Variants in KCNMA1 observed in about 807,000 individuals in gnomAD.
KCNMA1 encodes potassium calcium-activated channel subfamily M alpha 1, also known as Calcium-activated potassium channel subunit alpha-1.
Under a neutral mutation model 140.0 loss-of-function variants are expected in KCNMA1, and 29 were observed. The observed-to-expected ratio is 0.21, with a 90% confidence interval of 0.15 to 0.28. The LOEUF is 0.28. KCNMA1 is among the 10% of genes least tolerant of loss of function. The probability of loss-of-function intolerance (pLI) is 1.00; values close to 1 mark genes in which losing one functional copy is unlikely to be tolerated. For synonymous variants in KCNMA1, 612 were observed against 611.9 expected (o/e 1.00, Z 0.00); for missense variants, 880 against 1,602.2 (o/e 0.55, Z 7.70).
intron 2 of KCNMA1, among the ~76,000 whole-genome samples, chr10:77,279,424 C>T (rs2067685130): frequency 6.6e-6 from 1 of 152,054 alleles, no homozygotes; most frequent in Non-Finnish European, 1.5e-5. Flanking sequence ...GCATCCAATC[C>T]CAGCAAGCGG....
intron 1 of KCNMA1, among the ~76,000 whole-genome samples, chr10:77,623,839 C>G (rs1454570511): frequency 2.0e-5 from 3 of 152,196 alleles, no homozygotes; most frequent in Non-Finnish European, 4.4e-5. Context: ...CAATTACCAA[C>G]ACCCCAAAGC....
intron 14 of KCNMA1, among the ~76,000 whole-genome samples, chr10:77,042,175 TA>T (rs368077023): frequency 0.017 from 2,591 of 149,092 alleles, 70 homozygotes; most frequent in African/African-American, 0.06. Flanking sequence ...GTGGGGTCTT[TA>T]AAAAAAAAAG....
chr10:77,562,103 G>A (rs1175617170), intron 1 of KCNMA1, among the ~76,000 whole-genome samples: 1 of 152,200 alleles, frequency 6.6e-6, no homozygotes, highest in African/African-American at 2.4e-5. Flanking sequence ...TACTTAGGGT[G>A]TTTGGTGGTG....
At chr10:77,569,710 A>G (rs1446172449) in intron 1 of KCNMA1, among the ~76,000 whole-genome samples, 4 of 152,194 alleles carry the variant, frequency 2.6e-5, no homozygotes, top group African/African-American at 7.2e-5. Context: ...CAAAAGCAAT[A>G]GCAACAAAAG....
intron 1 of KCNMA1, among the ~76,000 whole-genome samples, chr10:77,439,960 G>T (rs1238250114): frequency 2.0e-5 from 3 of 152,182 alleles, no homozygotes; most frequent in Non-Finnish European, 2.9e-5. Flanking sequence ...TTTCTCCAGT[G>T]TCCCACGCAC....
intron 1 of KCNMA1, among the ~76,000 whole-genome samples, chr10:77,529,205 G>C (rs1156377581): frequency 6.6e-6 from 1 of 151,500 alleles, no homozygotes; most frequent in Non-Finnish European, 1.5e-5. Context: ...TATGCACTAA[G>C]TTCCCCCACT....
intron 9 of KCNMA1, among the ~76,000 whole-genome samples, chr10:77,094,357 A>C (rs1273938935): frequency 6.6e-6 from 1 of 152,114 alleles, no homozygotes; most frequent in African/African-American, 2.4e-5. Context: ...GGTGGAAAGG[A>C]AAGAGGCTTG....
chr10:77,094,829 T>C (rs938329873), intron 9 of KCNMA1, among the ~76,000 whole-genome samples: 1 of 152,038 alleles, frequency 6.6e-6, no homozygotes, highest in African/African-American at 2.4e-5. Context: ...ACTTCCTGGG[T>C]AGCTGGGACT....
Position 77,039,549 on chromosome 10 carries a change from A to T in KCNMA1, c.1838T>A (p.Leu613Gln), listed in dbSNP as rs759824727. 6.2e-7 allele frequency: 1 copy of T among 1,606,688 alleles called. No homozygotes were observed. Among genetic ancestry groups the T allele is most frequent in the Non-Finnish European group, 8.5e-7 (1 of 1,173,150 alleles). The change falls in exon 15 of 28, where the codon CTG (leucine) becomes CAG (glutamine). Residue 613 changes from leucine to glutamine, a missense_variant. By Grantham distance (113) the Leu-to-Gln change is moderately radical. Coordinates refer to ENST00000286628, the MANE Select transcript of KCNMA1 (RefSeq NM_001161352.2). ...TEYLSSAFVG[L>Q]SFPTVCELCF... is the part of the protein sequence containing the mutation. The stretch of plus-strand genomic sequence containing the variant: ...TTACTCACAAACAGTAGGGAAGGAC[A>T]GACCCACGAAGGCACTGGAGAGATA...
At position 77,270,590 on chromosome 10, in the gene KCNMA1, C is replaced by T. The variant is rs567213931; in HGVS notation, c.541-19334G>A. Among the ~76,000 whole-genome samples, 4 of 150,436 alleles carry T rather than the reference C, an allele frequency of 2.7e-5. No homozygotes were observed. In the South Asian group the frequency reaches 8.4e-4, roughly 32 times the overall value. ...AGGCTAGAGTGCGGTAGTGCAATGT[C>T]AGCTCACTGCAACCTCTGCCTCCTG... On this transcript the variant is annotated intron_variant, in intron 2 of 27. Coordinates refer to ENST00000286628, the MANE Select transcript of KCNMA1 (RefSeq NM_001161352.2).
At chr10:77,150,262 A>G (rs1025649931) in intron 5 of KCNMA1, among the ~76,000 whole-genome samples, 13 of 152,148 alleles carry the variant, frequency 8.5e-5, no homozygotes, top group African/African-American at 3.1e-4. Flanking sequence ...CTGATTATCC[A>G]ATTAGAGAAT....
chr10:77,081,157 G>T (rs1459914897), intron 12 of KCNMA1, among the ~76,000 whole-genome samples: 1 of 152,136 alleles, frequency 6.6e-6, no homozygotes, highest in Non-Finnish European at 1.5e-5. Context: ...ATGGAAACAC[G>T]TGGGTTCCAG....
At chr10:77,229,619 T>C (rs1370931151) in intron 3 of KCNMA1, among the ~76,000 whole-genome samples, 3 of 152,190 alleles carry the variant, frequency 2.0e-5, no homozygotes, top group Non-Finnish European at 4.4e-5. Flanking sequence ...GAGGGAGATC[T>C]GGATTTGAAC....
chr10:76,940,960 C>CGAAA (rs149461756), intron 23 of KCNMA1, among the ~76,000 whole-genome samples: 7,079 of 118,120 alleles, frequency 0.06, 365 homozygotes, highest in Admixed American at 0.2. Context: ...GACTCTACCT[C>CGAAA]GAAAGAAAGA....
At chr10:77,281,290 G>GA (rs1243762503) in intron 2 of KCNMA1, among the ~76,000 whole-genome samples, 1 of 152,042 alleles carries the variant, frequency 6.6e-6, no homozygotes, top group African/African-American at 2.4e-5. Flanking sequence ...GAATGCATTA[G>GA]AAAAAAAGTA....
chr10:77,128,439 C>A (rs971964896), intron 5 of KCNMA1, among the ~76,000 whole-genome samples: 6 of 82,414 alleles, frequency 7.3e-5, no homozygotes, highest in Non-Finnish European at 1.2e-4. Flanking sequence ...TTTCTTTGTA[C>A]TTTTGGGGCA....
chr10:77,304,837 C>T (rs931886383), intron 2 of KCNMA1, among the ~76,000 whole-genome samples: 2 of 152,202 alleles, frequency 1.3e-5, no homozygotes, highest in Non-Finnish European at 2.9e-5. Context: ...CAGCACAGAT[C>T]CAGCAGAGAC....
intron 2 of KCNMA1, among the ~76,000 whole-genome samples, chr10:77,355,640 G>A (rs1257173571): frequency 6.6e-6 from 1 of 152,208 alleles, no homozygotes; most frequent in East Asian, 1.9e-4. Flanking sequence ...CGGAGAGATG[G>A]AAAGAAGCCA....
intron 1 of KCNMA1, 63 bp from the exon 2 acceptor site, chr10:77,404,086 C>T: frequency 6.4e-7 from 1 of 1,559,900 alleles, no homozygotes; most frequent in Non-Finnish European, 8.8e-7. Flanking sequence ...ACATGCTCTA[C>T]CCATAAAGAA....
Sources: allele counts gnomAD v4.1 joint callset (sites outside exome capture counted in the v4.1 genomes callset), GRCh38; gene constraint gnomAD v4.1.1; transcripts MANE v1.5; gene names NCBI Gene and HGNC (gene_info 2026-07-23, HGNC 2026-07-21).